BRINP1: variants seen among roughly 807,000 people sequenced by gnomAD.
BRINP1 encodes the protein BMP/retinoic acid-inducible neural-specific protein 1.
BRINP1 carries 17 observed loss-of-function variants against 72.9 expected under a neutral mutation model. The ratio of observed to expected loss-of-function variants is 0.23; its 90% CI spans 0.16 to 0.35. The LOEUF (loss-of-function observed/expected upper bound fraction) is 0.35. BRINP1 is among the 10% of genes least tolerant of loss of function. BRINP1 has a pLI of 1.00. For missense variants in BRINP1, 850 were observed against 1,001.6 expected, an observed-to-expected ratio of 0.85 and a Z score of 2.04; for synonymous variants, 418 against 378.5, an observed-to-expected ratio of 1.10 and a Z score of -1.21.
At chr9:119,326,614 C>A (rs1343103118) in intron 1 of BRINP1, among the ~76,000 whole-genome samples, 1 of 152,104 alleles carries the variant, frequency 6.6e-6, no homozygotes, top group Non-Finnish European at 1.5e-5. Flanking sequence ...GGAGCTTTCT[C>A]CCCAAATTAT....
At chr9:119,307,702 T>C (rs1831013193) in intron 2 of BRINP1, among the ~76,000 whole-genome samples, 1 of 152,200 alleles carries the variant, frequency 6.6e-6, no homozygotes, top group African/African-American at 2.4e-5. Flanking sequence ...CTGTCAAATT[T>C]AAGCAGAGCC....
At chr9:119,322,293 C>T (rs1389380187) in intron 1 of BRINP1, among the ~76,000 whole-genome samples, 3 of 152,086 alleles carry the variant, frequency 2.0e-5, no homozygotes, top group Non-Finnish European at 4.4e-5. Context: ...AGTCACAGGC[C>T]CATTGCTGCA....
rs182084812 is a variant in BRINP1 at position 119,169,051 on chromosome 9, C to G, written c.1146-827G>C. Among the ~76,000 whole-genome samples the G allele has an allele frequency of 2.0e-5, 3 of 152,282 alleles. No homozygotes were observed. In the East Asian group the frequency reaches 5.8e-4, roughly 29 times the overall value. On this transcript the variant is annotated intron_variant, in intron 7 of 7. Transcript: ENST00000265922. Reference sequence around the variant, plus strand: ...TACACGATGTTTATTGCAGCCCTGTCCACAATAGCAAAGACTTGGAACCAA... The same window carrying G: ...TACACGATGTTTATTGCAGCCCTGTGCACAATAGCAAAGACTTGGAACCAA...
In BRINP1 at chr9:119,289,870, G is replaced by A. The variant is rs114472008; in HGVS notation, c.218+23268C>T. ...AACCTCTTGAACATGATAATTTCTC[G>A]GAAGATGCACGACAGTCCCTAGTCC... On this transcript the variant is annotated intron_variant, in intron 2 of 7. Transcript: ENST00000265922. 7.7e-3 allele frequency among the ~76,000 whole-genome samples: 1,174 copies of A among 152,250 alleles called. 14 individuals are homozygous for A. The highest frequency in any genetic ancestry group is 0.027 in the African/African-American group (1,135 of 41,534).
chr9:119,309,463 A>C (rs1463665409), intron 2 of BRINP1, among the ~76,000 whole-genome samples: 3 of 152,194 alleles, frequency 2.0e-5, no homozygotes, highest in Non-Finnish European at 4.4e-5. Context: ...GTGATATGGG[A>C]CAATAATAGT....
intron 6 of BRINP1, among the ~76,000 whole-genome samples, chr9:119,211,212 T>A (rs566478594): frequency 1.5e-4 from 21 of 140,528 alleles, no homozygotes; most frequent in African/African-American, 4.9e-4. Context: ...TTATTTATTT[T>A]TTGAGACACA....
At chr9:119,290,566 A>C (rs1830811133) in intron 2 of BRINP1, among the ~76,000 whole-genome samples, 1 of 152,168 alleles carries the variant, frequency 6.6e-6, no homozygotes, top group African/African-American at 2.4e-5. Context: ...TGCATTTGGC[A>C]GTTAGGTGCA....
At chr9:119,243,313 C>T (rs1830277546) in intron 3 of BRINP1, among the ~76,000 whole-genome samples, 1 of 152,152 alleles carries the variant, frequency 6.6e-6, no homozygotes, top group South Asian at 2.1e-4. Flanking sequence ...GTTTGGTTCT[C>T]TGTTCCTGCC....
Position 119,167,138 on chromosome 9 carries a change from C to T in BRINP1, c.2232G>A (p.Leu744=), listed in dbSNP as rs1259304910. ...ACTGTTTGAGGATCTCCGTGTTGTA[C>T]AGGTCCAAGGCGTGGTTCACCCTGA... ...EIIRVNHALD[L]YNTEILKQSD... is the part of the protein sequence containing the mutation. The change falls in exon 8 of 8, where the codon CTG becomes CTA. Residue 744 remains leucine, a synonymous_variant. Coordinates refer to ENST00000265922, the MANE Select transcript of BRINP1 (RefSeq NM_014618.3). The surrounding 1 kb of genome is among the most constrained non-coding windows in gnomAD (Gnocchi z 4.3). The T allele has an allele frequency of 8.7e-6, 14 of 1,613,840 alleles. No homozygotes were observed. The highest frequency in any genetic ancestry group is 3.4e-6 in the Non-Finnish European group (4 of 1,179,932).
rs557530950 is a variant in BRINP1, at chr9:119,355,601, T to C, written c.-51+13455A>G. Among the ~76,000 whole-genome samples, 652 of 151,826 alleles carry C rather than the reference T, an allele frequency of 4.3e-3. 3 individuals carry two copies. The highest frequency in any genetic ancestry group is 6.5e-3 in the South Asian group (31 of 4,792). ...AAAATTAGCCGGGCGTGGTGGTGGGTGCCTGTAGTCCCAGCTACTCGGGAA... is the reference window on the plus strand; with the variant it reads ...AAAATTAGCCGGGCGTGGTGGTGGGCGCCTGTAGTCCCAGCTACTCGGGAA... On this transcript the variant is annotated intron_variant, in intron 1 of 7. Transcript: ENST00000265922.
intron 1 of BRINP1, 41 bp from the exon 2 acceptor site, chr9:119,313,446 A>G: frequency 5.4e-6 from 8 of 1,481,788 alleles, no homozygotes; most frequent in Non-Finnish European, 7.2e-6. Flanking sequence ...AAAAAAGAGA[A>G]ACCAAAAGAG....
intron 2 of BRINP1, among the ~76,000 whole-genome samples, chr9:119,281,982 C>T (rs1433120902): frequency 6.6e-6 from 1 of 152,138 alleles, no homozygotes; most frequent in African/African-American, 2.4e-5. Flanking sequence ...GTTAAGTGTA[C>T]CTCTGCACAC....
intron 7 of BRINP1, among the ~76,000 whole-genome samples, chr9:119,186,112 C>G (rs1396958929): frequency 1.3e-5 from 2 of 152,134 alleles, no homozygotes; most frequent in African/African-American, 2.4e-5. Context: ...GCCCAGGGCA[C>G]TGCCTGGGCT....
chr9:119,206,440 A>AG (rs1554747625), intron 7 of BRINP1, among the ~76,000 whole-genome samples: 141 of 141,204 alleles, frequency 1.0e-3, no homozygotes, highest in Non-Finnish European at 1.6e-3. Flanking sequence ...AAAAAAAAAA[A>AG]AGAGAGAGAG....
intron 5 of BRINP1, among the ~76,000 whole-genome samples, chr9:119,218,328 C>A (rs1363487162): frequency 2.6e-5 from 4 of 151,770 alleles, no homozygotes; most frequent in Non-Finnish European, 4.4e-5. Flanking sequence ...CCTCAGCCTC[C>A]CGAGTAGGGT....
chr9:119,188,375 A>G (rs1185403098), intron 7 of BRINP1, among the ~76,000 whole-genome samples: 1 of 152,202 alleles, frequency 6.6e-6, no homozygotes, highest in African/African-American at 2.4e-5. Context: ...TTCAATCAAG[A>G]ATATTACACC....
chr9:119,190,341 A>G (rs992015180), intron 7 of BRINP1, among the ~76,000 whole-genome samples: 14 of 149,936 alleles, frequency 9.3e-5, no homozygotes, highest in African/African-American at 1.5e-4. Flanking sequence ...AAAGTCATGG[A>G]AAAAAAATCA....
chr9:119,210,630 C>T (rs1007703385), intron 6 of BRINP1, among the ~76,000 whole-genome samples: 7 of 151,828 alleles, frequency 4.6e-5, no homozygotes, highest in East Asian at 1.9e-4. Context: ...AGGGCAATCC[C>T]GAGGCTCAGT....
chr9:119,251,916 A>G (rs1003381816), intron 2 of BRINP1, among the ~76,000 whole-genome samples: 17 of 152,124 alleles, frequency 1.1e-4, no homozygotes, highest in African/African-American at 3.6e-4. Flanking sequence ...CAGTTACAAA[A>G]TTCTTCGATG....
Sources: gnomAD v4.1 joint callset for allele counts (sites outside exome capture counted in the v4.1 genomes callset) on GRCh38, gnomAD v4.1.1 for gene constraint, Gnocchi (gnomAD v3.1) non-coding constraint, MANE v1.5 for transcripts, NCBI Gene and HGNC (gene_info 2026-07-23, HGNC 2026-07-21) for gene names.